CANX: variants seen among roughly 807,000 people sequenced by gnomAD.
The protein encoded by CANX is epididymis secretory sperm binding protein.
A neutral mutation model predicts 75.7 loss-of-function variants in CANX; 14 were observed. The observed-to-expected ratio is 0.19, with a 90% CI of 0.12 to 0.29. The LOEUF (loss-of-function observed/expected upper bound fraction) is 0.29, where lower values mean the gene tolerates loss of function less well. CANX is among the 10% of genes least tolerant of loss of function. The pLI is 1.00. For synonymous variants in CANX, 227 were observed against 236.9 expected (o/e 0.96, Z 0.38); for missense variants, 567 against 713.2 (o/e 0.79, Z 2.34).
In CANX at chr5:179,719,678, G is replaced by A; in HGVS notation, c.922G>A (p.Ala308Thr). ...TCTTTTGTATTTAAGGGATGAAGATGCCCCTGCTAAGATTCCAGATGAAGA... is the reference window on the plus strand; with the variant it reads ...TCTTTTGTATTTAAGGGATGAAGATACCCCTGCTAAGATTCCAGATGAAGA... ...AVKPDDWDED[A>T]PAKIPDEEAT... Residue 308 changes from alanine to threonine, a missense_variant, in exon 9 of 15, where the codon GCC (alanine) becomes ACC (threonine). This residue lies in a region of CANX where 351 missense variants were observed against 433.8 expected (regional missense o/e 0.81). Transcript: ENST00000247461. 1 of 1,604,098 alleles carries A rather than the reference G, an allele frequency of 6.2e-7. No homozygotes were observed. The highest frequency in any genetic ancestry group is 8.5e-7 in the Non-Finnish European group (1 of 1,171,940).
chr5:179,722,082 G>C (rs1230442985), intron 10 of CANX, among the ~76,000 whole-genome samples: 1 of 152,140 alleles, frequency 6.6e-6, no homozygotes, highest in Non-Finnish European at 1.5e-5. Flanking sequence ...TATAATCCCA[G>C]CACTTGAGAG....
chr5:179,712,951 T>C (rs1777681339), intron 7 of CANX, among the ~76,000 whole-genome samples: 1 of 150,998 alleles, frequency 6.6e-6, no homozygotes, highest in Non-Finnish European at 1.5e-5. Flanking sequence ...CTGTTTTTAG[T>C]AGAGACCGGG....
At chr5:179,709,083 T>C (rs1293520955) in intron 6 of CANX, 24 bp downstream of exon 6, 3 of 1,381,182 alleles carry the variant, frequency 2.2e-6, no homozygotes, top group Non-Finnish European at 2.1e-6. Context: ...ATTTCTGGAA[T>C]GTGGCTGGAC....
chr5:179,710,991 G>A (rs1217744641), intron 7 of CANX, among the ~76,000 whole-genome samples: 1 of 152,036 alleles, frequency 6.6e-6, no homozygotes, highest in East Asian at 1.9e-4. Context: ...AGGAGGCAGA[G>A]GTTGCAGTTG....
intron 14 of CANX, among the ~76,000 whole-genome samples, chr5:179,728,265 G>A (rs1778790779): frequency 6.6e-6 from 1 of 152,184 alleles, no homozygotes. Flanking sequence ...TCAGAATGGG[G>A]CTAGTGTGCC....
intron 1 of CANX, among the ~76,000 whole-genome samples, chr5:179,685,427 T>C (rs2113034665): frequency 6.6e-6 from 1 of 152,034 alleles, no homozygotes. Context: ...TTTGTATTTT[T>C]AGTAGAGACG....
intron 1 of CANX, among the ~76,000 whole-genome samples, chr5:179,704,886 TTAA>T (rs778709323): frequency 6.6e-6 from 1 of 152,182 alleles, no homozygotes; most frequent in Non-Finnish European, 1.5e-5. Flanking sequence ...TGTTCTTAGT[TTAA>T]TATTCTTTTT....
chr5:179,700,365 A>G (rs1324253515), intron 1 of CANX: 1 of 152,204 alleles, frequency 6.6e-6, no homozygotes, highest in African/African-American at 2.4e-5. Context: ...TTGATCTTTA[A>G]AATCATTCTG....
At chr5:179,699,374 T>C (rs1460736180) in intron 1 of CANX, among the ~76,000 whole-genome samples, 1 of 152,174 alleles carries the variant, frequency 6.6e-6, no homozygotes, top group African/African-American at 2.4e-5. Context: ...AGCTGACTTA[T>C]TCCTATGGCT....
chr5:179,710,076 G>T lies in CANX; in HGVS notation c.721+11G>T. On this transcript the variant is annotated intron_variant, in intron 7 of 14. Transcript: ENST00000247461. ...ATCTTTACACACTAAGTAAGAAAAA[G>T]CATTAGTTTGGGGGCTTATGGTATT... The T allele has an allele frequency of 6.7e-7, 1 of 1,493,296 alleles. No individual in the cohort carries two copies. Among genetic ancestry groups the T allele is most frequent in the Non-Finnish European group, 9.2e-7 (1 of 1,081,552 alleles). 92.5% of individuals were successfully genotyped at this position (1,493,296 alleles called of 1,614,324 possible). A position where few individuals can be genotyped will look rare whatever the true frequency, so the allele number is the denominator to read the frequency against.
rs994420377 is a variant in CANX, at chr5:179,731,392, T to C, written c.*2748T>C. Reference sequence around the variant, plus strand: ...TTTTAGATTACATACTAAAGAAAAGTATGTACACAGAATGTAGTGCTCCTA... The same window carrying C: ...TTTTAGATTACATACTAAAGAAAAGCATGTACACAGAATGTAGTGCTCCTA... On this transcript the variant is annotated 3_prime_UTR_variant, in exon 15 of 15. Coordinates refer to ENST00000247461, the MANE Select transcript of CANX (RefSeq NM_001746.4). 6.6e-6 allele frequency among the ~76,000 whole-genome samples: 1 copy of C among 152,148 alleles called. No homozygotes were observed. Among genetic ancestry groups the C allele is most frequent in the Non-Finnish European group, 1.5e-5 (1 of 68,024 alleles).
chr5:179,729,016 A>G lies in CANX; in HGVS notation c.*372A>G. 1 of 265,620 alleles carries G rather than the reference A, an allele frequency of 3.8e-6. No individual in the cohort carries two copies. The highest frequency in any genetic ancestry group is 5.2e-5 in the Admixed American group (1 of 19,302). The allele number at this position is 265,620 out of a possible 1,614,324, so 16.5% of individuals were successfully genotyped here. A position where few individuals can be genotyped will look rare whatever the true frequency, so the allele number is the denominator to read the frequency against. On this transcript the variant is annotated 3_prime_UTR_variant, in exon 15 of 15. Transcript: ENST00000247461. ...AATCTGTTTGTGCAAACATAATACC[A>G]CCATTTAAAAATGTTAGGGAGATGA...
chr5:179,698,886 A>G (rs1776519713), upstream of CANX: 17 of 1,144,722 alleles, frequency 1.5e-5, no homozygotes, highest in Non-Finnish European at 1.9e-5. Flanking sequence ...GGAGGGCGGG[A>G]CTTGGCGCCG....
chr5:179,691,753 CTT>C (rs1159696226), intron 1 of CANX, among the ~76,000 whole-genome samples: 3 of 151,844 alleles, frequency 2.0e-5, no homozygotes, highest in Non-Finnish European at 4.4e-5. Flanking sequence ...CTATATCTCT[CTT>C]CTTTATTATT....
At chr5:179,689,404 T>TTTTTTTTTTA (rs1776259364) in intron 1 of CANX, among the ~76,000 whole-genome samples, 7 of 147,814 alleles carry the variant, frequency 4.7e-5, no homozygotes, top group South Asian at 2.2e-4. Context: ...TTTTTTTTTT[T>TTTTTTTTTTA]GAGACAGAGT....
intron 9 of CANX, among the ~76,000 whole-genome samples, chr5:179,720,193 C>T (rs1778220366): frequency 6.6e-6 from 1 of 152,146 alleles, no homozygotes; most frequent in Admixed American, 6.6e-5. Context: ...TCCCTAATTT[C>T]AGGGTAGAAT....
chr5:179,706,020 G>A (rs563013580), intron 2 of CANX, among the ~76,000 whole-genome samples, 168 bp downstream of exon 2: 27 of 152,170 alleles, frequency 1.8e-4, no homozygotes, highest in African/African-American at 6.0e-4. Flanking sequence ...AAATATAAAA[G>A]AAAAACATGG....
chr5:179,709,760 C>T, intron 6 of CANX, 113 bp from the exon 7 acceptor site: 1 of 637,024 alleles, frequency 1.6e-6, no homozygotes, highest in Non-Finnish European at 2.7e-6. Context: ...TTTCCTTTAA[C>T]TGTCACTAAT....
At chr5:179,696,522 C>T (rs575618676), upstream of CANX, among the ~76,000 whole-genome samples, 4 of 152,104 alleles carry the variant, frequency 2.6e-5, no homozygotes, top group South Asian at 2.1e-4. Context: ...GTAATCCGCC[C>T]GCCTCAGCCT....
Sources: gnomAD v4.1 joint callset for allele counts (sites outside exome capture counted in the v4.1 genomes callset) on GRCh38, gnomAD v4.1.1 for gene constraint, gnomAD v4.1.1 regional missense constraint, MANE v1.5 for transcripts, NCBI Gene and HGNC (gene_info 2026-07-23, HGNC 2026-07-21) for gene names.